C12orf42: variants seen among roughly 807,000 people sequenced by gnomAD.
The protein encoded by C12orf42 is uncharacterized protein C12orf42.
C12orf42 carries 25 observed loss-of-function variants against 21.6 expected under a neutral mutation model. The ratio of observed to expected loss-of-function variants is 1.16; its 90% CI spans 0.84 to 1.62. The LOEUF is 1.62. Among genes scored for constraint, C12orf42 ranks in the 40% most tolerant of loss-of-function variants. The pLI is 0.00. For missense variants in C12orf42, 483 were observed against 459.3 expected, an observed-to-expected ratio of 1.05 and a Z score of -0.47; for synonymous variants, 174 against 175.0, an observed-to-expected ratio of 0.99 and a Z score of 0.05.
the C12orf42 span, chr12:103,080,827 T>C: frequency 6.6e-6 from 1 of 152,206 alleles, no homozygotes; most frequent in Non-Finnish European, 1.5e-5. Context: ...AGTTAGTTCA[T>C]ATAAAAATCT....
chr12:103,315,992 A>G (rs2039447691), intron 4 of C12orf42, among the ~76,000 whole-genome samples: 1 of 151,624 alleles, frequency 6.6e-6, no homozygotes, highest in Non-Finnish European at 1.5e-5. Flanking sequence ...ATATATACAC[A>G]CACACAGACA....
chr12:103,217,079 G>C, the C12orf42 span, among the ~76,000 whole-genome samples: 1 of 152,216 alleles, frequency 6.6e-6, no homozygotes, highest in Non-Finnish European at 1.5e-5. Flanking sequence ...CTGACCTCAA[G>C]TGATCTCCCC....
chr12:103,049,176 G>C, the C12orf42 span, among the ~76,000 whole-genome samples: 1 of 152,184 alleles, frequency 6.6e-6, no homozygotes, highest in Admixed American at 6.5e-5. Context: ...ATGTGTGAAA[G>C]CCATCTCAAA....
intron 2 of C12orf42, among the ~76,000 whole-genome samples, chr12:103,468,567 C>T (rs1435373784): frequency 1.3e-5 from 2 of 152,124 alleles, no homozygotes; most frequent in Non-Finnish European, 2.9e-5. Flanking sequence ...ATTCAGATAT[C>T]TTTTACTCTG....
chr12:103,264,976 CA>C (rs1566003737), downstream of C12orf42, among the ~76,000 whole-genome samples: 1 of 152,080 alleles, frequency 6.6e-6, no homozygotes, highest in Non-Finnish European at 1.5e-5. Context: ...GGCTTCTTAA[CA>C]ATAGAAATTC....
chr12:103,180,077 G>C, the C12orf42 span, among the ~76,000 whole-genome samples: 4 of 151,856 alleles, frequency 2.6e-5, no homozygotes, highest in African/African-American at 9.7e-5. Context: ...GGTAGAGTGA[G>C]CTTCCAAAAA....
At chr12:103,471,247 G>A (rs1953578925) in intron 2 of C12orf42, among the ~76,000 whole-genome samples, 1 of 152,030 alleles carries the variant, frequency 6.6e-6, no homozygotes, top group Non-Finnish European at 1.5e-5. Context: ...TGGTTGCATT[G>A]AAAAAGAGAC....
At chr12:103,065,706 A>C in the C12orf42 span, among the ~76,000 whole-genome samples, 4 of 152,222 alleles carry the variant, frequency 2.6e-5, no homozygotes, top group Non-Finnish European at 5.9e-5. Flanking sequence ...CTAGGGGCCC[A>C]GTGGTGTGGA....
At chr12:103,268,319 C>T (rs1188339870), downstream of C12orf42, 1 of 152,008 alleles carries the variant, frequency 6.6e-6, no homozygotes, top group East Asian at 1.9e-4. Context: ...TCTGTATATT[C>T]AGAGACTGGC....
intron 2 of C12orf42, among the ~76,000 whole-genome samples, chr12:103,454,260 C>T (rs2137541489): frequency 6.6e-6 from 1 of 152,178 alleles, no homozygotes; most frequent in African/African-American, 2.4e-5. Flanking sequence ...CAAGCCACCA[C>T]AGCTTTCCTA....
intron 2 of C12orf42, among the ~76,000 whole-genome samples, chr12:103,425,662 C>T (rs1257450900): frequency 2.6e-5 from 4 of 152,136 alleles, no homozygotes; most frequent in African/African-American, 9.7e-5. Context: ...AAAGGATGTC[C>T]ACACCAAAAC....
At chr12:103,541,704 G>A in the C12orf42 span, among the ~76,000 whole-genome samples, 8 of 151,738 alleles carry the variant, frequency 5.3e-5, no homozygotes, top group Non-Finnish European at 7.4e-5. Context: ...CAGCAGCTTC[G>A]TACATTTCAT....
At chr12:103,520,214 G>A in the C12orf42 span, among the ~76,000 whole-genome samples, 11 of 152,106 alleles carry the variant, frequency 7.2e-5, no homozygotes, top group African/African-American at 2.7e-4. Context: ...GGCACATGTA[G>A]TCCCAGGCGA....
At chr12:103,491,917 C>A (rs1744356005) in intron 1 of C12orf42, among the ~76,000 whole-genome samples, 1 of 151,676 alleles carries the variant, frequency 6.6e-6, no homozygotes, top group African/African-American at 2.4e-5. Flanking sequence ...CAAACATAAC[C>A]CCCAACTTGT....
chr12:103,327,650 C>T (rs4764951), intron 4 of C12orf42, among the ~76,000 whole-genome samples: 1,662 of 152,252 alleles, frequency 0.011, 17 homozygotes, highest in Non-Finnish European at 0.017. Flanking sequence ...CATTTTGATT[C>T]TCTGGAGAAA....
chr12:103,367,071 G>C (rs897073445), intron 4 of C12orf42, among the ~76,000 whole-genome samples: 3 of 151,850 alleles, frequency 2.0e-5, no homozygotes, highest in Non-Finnish European at 4.4e-5. Context: ...CAATCAACGG[G>C]TGGATAAACC....
the C12orf42 span, among the ~76,000 whole-genome samples, chr12:103,107,345 C>T: frequency 6.6e-6 from 1 of 151,926 alleles, no homozygotes; most frequent in Non-Finnish European, 1.5e-5. Context: ...ACACCGTTAA[C>T]ATTTACAAAT....
chr12:103,274,070 G>A (rs2035624465), intron 5 of C12orf42, among the ~76,000 whole-genome samples: 1 of 152,010 alleles, frequency 6.6e-6, no homozygotes. Flanking sequence ...GCTTATTCAG[G>A]GACAGAAACC....
chr12:103,250,612 T>C (rs530534084), intron 10 of C12orf42, among the ~76,000 whole-genome samples: 73 of 152,230 alleles, frequency 4.8e-4, no homozygotes, highest in African/African-American at 1.7e-3. Flanking sequence ...AGGGAGAGGA[T>C]AAAAGCAAAT....
Sources: allele counts gnomAD v4.1 joint callset (sites outside exome capture counted in the v4.1 genomes callset), GRCh38; gene constraint gnomAD v4.1.1; transcripts MANE v1.5; gene names NCBI Gene and HGNC (gene_info 2026-07-23, HGNC 2026-07-21).